The following RBM18 variants were observed in gnomAD, a reference collection of about 807,000 sequenced individuals.
RBM18 encodes probable RNA-binding protein 18.
In RBM18, 18 loss-of-function variants were observed where a neutral mutation model predicts 26.4. The observed-to-expected ratio is 0.68, with a 90% CI of 0.47 to 1.01. The LOEUF (loss-of-function observed/expected upper bound fraction) is 1.01. RBM18 is among the 50% of genes least tolerant of loss of function. The pLI, the probability that RBM18 is intolerant of heterozygous loss-of-function variation, is 0.00. For missense variants in RBM18, 180 were observed against 219.2 expected, an observed-to-expected ratio of 0.82 and a Z score of 1.13; for synonymous variants, 74 against 81.1, an observed-to-expected ratio of 0.91 and a Z score of 0.47.
rs151110441 is a variant in RBM18, at chr9:122,244,075, A to G, written c.413+1181T>C. Among the ~76,000 whole-genome samples the G allele has an allele frequency of 2.7e-3, 409 of 152,326 alleles. 4 individuals are homozygous for G. Among genetic ancestry groups the G allele is most frequent in the South Asian group, 0.019 (90 of 4,826 alleles). ...CAAGGAGGTTCAAATCTTATGAGGA[A>G]AATAACACAGTGGATATATGCTCCC... On this transcript the variant is annotated intron_variant, in intron 5 of 5. Coordinates refer to ENST00000417201, the MANE Select transcript of RBM18 (RefSeq NM_033117.4).
At chr9:122,254,053 C>CA (rs1416848548) in intron 2 of RBM18, among the ~76,000 whole-genome samples, 1 of 150,238 alleles carries the variant, frequency 6.7e-6, no homozygotes, top group Non-Finnish European at 1.5e-5. Context: ...AAAAAACCCA[C>CA]AAAAACACAC....
chr9:122,252,052 G>A, intron 2 of RBM18, 79 bp from the exon 3 acceptor site: 2 of 1,573,668 alleles, frequency 1.3e-6, no homozygotes, highest in Non-Finnish European at 8.7e-7. Flanking sequence ...ATAAAAGCAG[G>A]AGATAATTTA....
intron 3 of RBM18, among the ~76,000 whole-genome samples, chr9:122,249,307 G>C (rs1831559346): frequency 6.6e-6 from 1 of 152,082 alleles, no homozygotes. Flanking sequence ...TAGGAGACTT[G>C]CTCAAAGTTA....
intron 2 of RBM18, among the ~76,000 whole-genome samples, chr9:122,258,026 T>C (rs1461489457): frequency 6.6e-6 from 1 of 152,234 alleles, no homozygotes; most frequent in African/African-American, 2.4e-5. Context: ...AGTTACATTA[T>C]GTAATCCTTC....
chr9:122,244,885 G>T (rs1284888992), intron 5 of RBM18, among the ~76,000 whole-genome samples: 1 of 152,154 alleles, frequency 6.6e-6, no homozygotes, highest in East Asian at 1.9e-4. Flanking sequence ...TTGTATAAGG[G>T]AACTTAAGAT....
At chr9:122,261,359 A>T (rs1324941934) in intron 2 of RBM18, 21 bp downstream of exon 2, 1 of 1,549,202 alleles carries the variant, frequency 6.5e-7, no homozygotes, top group South Asian at 1.1e-5. Flanking sequence ...TAGGTAAAAA[A>T]CTAAGGTAAC....
chr9:122,249,182 T>C (rs1831556250), intron 3 of RBM18, among the ~76,000 whole-genome samples: 1 of 152,168 alleles, frequency 6.6e-6, no homozygotes, highest in South Asian at 2.1e-4. Flanking sequence ...AAAAATATTA[T>C]TAAATGTCTA....
Position 122,259,990 on chromosome 9 carries a change from G to A in RBM18, c.113+1390C>T, listed in dbSNP as rs145614535. ...ATTATAGGCGTGAGCCACTGTGCCC[G>A]GCCTCCCCTTGTCTTTAACACTATT... is the stretch of plus-strand genomic sequence containing the variant. On this transcript the variant is annotated intron_variant, in intron 2 of 5. Transcript: ENST00000417201. Among the ~76,000 whole-genome samples the A allele has an allele frequency of 6.8e-3, 1,033 of 151,998 alleles. 13 individuals carry two copies. The highest frequency in any genetic ancestry group is 0.024 in the African/African-American group (1,009 of 41,494).
chr9:122,248,432 A>G (rs1007315418), intron 3 of RBM18, among the ~76,000 whole-genome samples: 1 of 152,194 alleles, frequency 6.6e-6, no homozygotes, highest in South Asian at 2.1e-4. Context: ...ATCCTGGACT[A>G]GGGCATACTC....
intron 2 of RBM18, among the ~76,000 whole-genome samples, chr9:122,257,703 A>G (rs916971271): frequency 2.6e-5 from 4 of 152,264 alleles, no homozygotes; most frequent in Non-Finnish European, 5.9e-5. Flanking sequence ...ATATTCATTC[A>G]TAACAGTAAG....
In RBM18 at chr9:122,261,225, CAAGAT is replaced by C. The variant is rs1224695884; in HGVS notation, c.113+150_113+154del. 2.0e-5 allele frequency among the ~76,000 whole-genome samples: 3 copies of C among 152,090 alleles called. No individual in the cohort carries two copies. In the East Asian group the frequency reaches 5.8e-4, roughly 29 times the overall value. On this transcript the variant is annotated intron_variant, in intron 2 of 5. Transcript: ENST00000417201. ...CAGAGTCCAAATGTAAAAAAAGTGA[CAAGAT>C]AACAGGCTAACAACATCTTATCTCT...
At chr9:122,253,642 T>C (rs922741716) in intron 2 of RBM18, among the ~76,000 whole-genome samples, 3 of 151,620 alleles carry the variant, frequency 2.0e-5, no homozygotes, top group Admixed American at 2.0e-4. Flanking sequence ...AATTCACAGC[T>C]GTATCTTCAA....
At chr9:122,262,698 C>T (rs1831824814) in intron 1 of RBM18, among the ~76,000 whole-genome samples, 2 of 152,182 alleles carry the variant, frequency 1.3e-5, no homozygotes, top group Non-Finnish European at 2.9e-5. Context: ...ATTCTCATGC[C>T]TCAGCCTCCC....
In RBM18 at chr9:122,238,640, T is replaced by C. The variant is rs1472131289; in HGVS notation, c.*3244A>G. 6.6e-6 allele frequency: 1 copy of C among 152,164 alleles called. No individual in the cohort carries two copies. Among genetic ancestry groups the C allele is most frequent in the African/African-American group, 2.4e-5 (1 of 41,420 alleles). 9.4% of individuals were successfully genotyped at this position (152,164 alleles called of 1,614,324 possible). ...AAGGGGAGAACAGTAGGCTATAGGGTCAGACACGTAGTGAAGGACAGGTCA... is the reference window on the plus strand; with the variant it reads ...AAGGGGAGAACAGTAGGCTATAGGGCCAGACACGTAGTGAAGGACAGGTCA... On this transcript the variant is annotated 3_prime_UTR_variant, in exon 6 of 6. Coordinates refer to ENST00000417201, the MANE Select transcript of RBM18 (RefSeq NM_033117.4).
At chr9:122,264,474 GAGA>G (rs780021613) in intron 1 of RBM18, 8 of 152,238 alleles carry the variant, frequency 5.3e-5, no homozygotes, top group Admixed American at 1.3e-4. Flanking sequence ...GTGCAATCCA[GAGA>G]AGAAGAGACA....
chr9:122,247,382 T>C (rs899518275), intron 4 of RBM18, 136 bp downstream of exon 4: 3 of 708,530 alleles, frequency 4.2e-6, no homozygotes, highest in Non-Finnish European at 7.4e-6. Context: ...ACACACATGG[T>C]AGATACAAGT....
At position 122,241,670 on chromosome 9, in the gene RBM18, G is replaced by C; in HGVS notation, c.*214C>G. The C allele has an allele frequency of 2.3e-6, 1 of 430,450 alleles. No individual in the cohort carries two copies. The highest frequency in any genetic ancestry group is 4.1e-6 in the Non-Finnish European group (1 of 244,518). The allele number at this position is 430,450 out of a possible 1,614,324, so 26.7% of individuals were successfully genotyped here. A position where few individuals can be genotyped will look rare whatever the true frequency, so the allele number is the denominator to read the frequency against. ...CATCCCAGGGTTCAAATCACAATTT[G>C]GGATACAACGCTATTTATTCTGGAT... is the stretch of plus-strand genomic sequence containing the variant. On this transcript the variant is annotated 3_prime_UTR_variant, in exon 6 of 6. Transcript: ENST00000417201.
chr9:122,254,868 G>A (rs1199686327), intron 2 of RBM18, among the ~76,000 whole-genome samples: 1 of 152,198 alleles, frequency 6.6e-6, no homozygotes, highest in Non-Finnish European at 1.5e-5. Context: ...CACACAGAAT[G>A]AAGACCAATG....
At chr9:122,251,044 C>G (rs974329557) in intron 3 of RBM18, among the ~76,000 whole-genome samples, 1 of 151,900 alleles carries the variant, frequency 6.6e-6, no homozygotes, top group Non-Finnish European at 1.5e-5. Flanking sequence ...TTGCCTCAGC[C>G]TCCCAAGTAG....
Sources: allele counts gnomAD v4.1 joint callset (sites outside exome capture counted in the v4.1 genomes callset), GRCh38; gene constraint gnomAD v4.1.1; transcripts MANE v1.5; gene names NCBI Gene and HGNC (gene_info 2026-07-23, HGNC 2026-07-21).